BAZ2B: variants seen among roughly 807,000 people sequenced by gnomAD.
The protein encoded by BAZ2B is bromodomain adjacent to zinc finger domain 2B.
Under a neutral mutation model 246.0 loss-of-function variants are expected in BAZ2B, and 91 were observed. The observed-to-expected ratio is 0.37, with a 90% CI of 0.31 to 0.44. The LOEUF is 0.44. BAZ2B is among the 20% of genes least tolerant of loss of function. BAZ2B has a pLI of 1.00. For synonymous variants in BAZ2B, 855 were observed against 860.0 expected (o/e 0.99, Z 0.10); for missense variants, 2,332 against 2,533.7 (o/e 0.92, Z 1.71).
intron 20 of BAZ2B, among the ~76,000 whole-genome samples, chr2:159,392,903 T>A (rs2063520048): frequency 6.6e-6 from 1 of 152,152 alleles, no homozygotes; most frequent in Non-Finnish European, 1.5e-5. Flanking sequence ...CCATTTTCAG[T>A]CAAGAGTATT....
At chr2:159,326,844 T>C (rs2063784653) in intron 34 of BAZ2B, among the ~76,000 whole-genome samples, 1 of 152,156 alleles carries the variant, frequency 6.6e-6, no homozygotes, top group Admixed American at 6.5e-5. Flanking sequence ...AATCTGCCTT[T>C]TGAGAGTTAA....
At chr2:159,698,131 C>T in the BAZ2B span, among the ~76,000 whole-genome samples, 3 of 152,146 alleles carry the variant, frequency 2.0e-5, no homozygotes, top group Non-Finnish European at 2.9e-5. Context: ...TTGCCCAGTA[C>T]ATATTAGTAT....
At chr2:159,596,118 G>T (rs577355430) in intron 1 of BAZ2B, among the ~76,000 whole-genome samples, 15 of 152,262 alleles carry the variant, frequency 9.9e-5, no homozygotes, top group Non-Finnish European at 1.8e-4. Flanking sequence ...AAAGGAAAAG[G>T]AGTAGTATTG....
the BAZ2B span, among the ~76,000 whole-genome samples, chr2:159,678,047 C>T: frequency 5.9e-5 from 9 of 152,178 alleles, no homozygotes; most frequent in Middle Eastern, 3.4e-3. Flanking sequence ...CCTAGTCTCA[C>T]GCTATTACAG....
the BAZ2B span, among the ~76,000 whole-genome samples, chr2:159,675,300 A>G: frequency 2.0e-5 from 3 of 152,000 alleles, no homozygotes; most frequent in South Asian, 6.2e-4. Flanking sequence ...AAAAAAAAAA[A>G]CGCACAACAG....
the BAZ2B span, among the ~76,000 whole-genome samples, chr2:159,687,881 A>G: frequency 2.0e-5 from 3 of 152,192 alleles, no homozygotes; most frequent in East Asian, 5.8e-4. Flanking sequence ...ATAGCATCAG[A>G]ACAAAATTGA....
At position 159,337,553 on chromosome 2, in the gene BAZ2B, G is replaced by C; in HGVS notation, c.5660+14C>G. 1 of 1,613,992 alleles carries C rather than the reference G, an allele frequency of 6.2e-7. No homozygotes were observed. The highest frequency in any genetic ancestry group is 8.5e-7 in the Non-Finnish European group (1 of 1,179,940). ...TTGATCTGAATGGTGGTACTTAAGG[G>C]GCTCTTCAGATACCTTCTTTCAATG... On this transcript the variant is annotated intron_variant, in intron 32 of 36. Coordinates refer to ENST00000392783, the MANE Select transcript of BAZ2B (RefSeq NM_013450.4).
At chr2:159,683,162 A>C in the BAZ2B span, among the ~76,000 whole-genome samples, 1 of 151,972 alleles carries the variant, frequency 6.6e-6, no homozygotes, top group African/African-American at 2.4e-5. Flanking sequence ...CTAATGTCTA[A>C]TTTTTTTTCT....
the BAZ2B span, among the ~76,000 whole-genome samples, chr2:159,698,074 A>G: frequency 1.3e-5 from 2 of 152,200 alleles, no homozygotes; most frequent in Admixed American, 1.3e-4. Flanking sequence ...AATACTTTTA[A>G]TATCAGAATG....
At chr2:159,476,844 G>T (rs2078624969) in intron 3 of BAZ2B, among the ~76,000 whole-genome samples, 1 of 152,088 alleles carries the variant, frequency 6.6e-6, no homozygotes, top group Non-Finnish European at 1.5e-5. Flanking sequence ...ATTTATCTAA[G>T]GTAAAAAGTC....
At chr2:159,636,961 C>T in the BAZ2B span, among the ~76,000 whole-genome samples, 1 of 152,184 alleles carries the variant, frequency 6.6e-6, no homozygotes, top group Non-Finnish European at 1.5e-5. Context: ...GAATCCACTA[C>T]CTTCAAGGGA....
At chr2:159,611,841 G>T (rs4665093) in intron 1 of BAZ2B, among the ~76,000 whole-genome samples, 140,180 of 151,788 alleles carry the variant, frequency 0.92, 65,221 homozygotes, top group East Asian at 1. Context: ...TTTAATGGAT[G>T]TTTCTGTGTT....
intron 20 of BAZ2B, among the ~76,000 whole-genome samples, chr2:159,391,718 C>T (rs1398008017): frequency 1.3e-5 from 2 of 151,970 alleles, no homozygotes; most frequent in African/African-American, 4.8e-5. Context: ...TAGCTGGTGA[C>T]ATGCAATACT....
At chr2:159,364,930 C>T (rs2060068674) in intron 27 of BAZ2B, among the ~76,000 whole-genome samples, 1 of 152,156 alleles carries the variant, frequency 6.6e-6, no homozygotes, top group African/African-American at 2.4e-5. Context: ...CTCTGTTTGA[C>T]ACTAGTACTG....
At chr2:159,460,676 T>C (rs887862273) in intron 3 of BAZ2B, 6 of 152,076 alleles carry the variant, frequency 3.9e-5, no homozygotes, top group Admixed American at 2.0e-4. Context: ...CTTAGTGTAA[T>C]AGCAAAAAGA....
chr2:159,405,668 C>G (rs910399762), intron 14 of BAZ2B, among the ~76,000 whole-genome samples: 3 of 152,132 alleles, frequency 2.0e-5, no homozygotes, highest in Non-Finnish European at 2.9e-5. Flanking sequence ...ATATCTAGGA[C>G]TACATAAAAA....
intron 27 of BAZ2B, among the ~76,000 whole-genome samples, chr2:159,368,858 T>TAAAAAAAAAAAAAAA (rs58161936): frequency 1.6e-5 from 2 of 123,870 alleles, no homozygotes; most frequent in African/African-American, 6.8e-5. Context: ...CTGAAAGGCC[T>TAAAAAAAAAAAAAAA]AAAAAAAAAA....
intron 15 of BAZ2B, 28 bp downstream of exon 15, chr2:159,404,994 G>C: frequency 6.2e-7 from 1 of 1,612,514 alleles, no homozygotes; most frequent in Non-Finnish European, 8.5e-7. Context: ...CTGACTCTTC[G>C]AGTTTATGTT....
intron 8 of BAZ2B, among the ~76,000 whole-genome samples, chr2:159,436,539 A>G (rs2072353223): frequency 6.6e-6 from 1 of 152,186 alleles, no homozygotes; most frequent in African/African-American, 2.4e-5. Flanking sequence ...ACTTGAGGTC[A>G]GGAGTTTGTG....
Sources: gnomAD v4.1 joint callset for allele counts (sites outside exome capture counted in the v4.1 genomes callset) on GRCh38, gnomAD v4.1.1 for gene constraint, MANE v1.5 for transcripts, NCBI Gene and HGNC (gene_info 2026-07-23, HGNC 2026-07-21) for gene names.